Variants in PCSK2 observed in about 807,000 individuals in gnomAD.
PCSK2 encodes neuroendocrine convertase 2.
Under a neutral mutation model 69.7 loss-of-function variants are expected in PCSK2, and 14 were observed. That is an observed-to-expected ratio of 0.20 (90% CI 0.13 to 0.31). The LOEUF is 0.31. Among genes scored for constraint, PCSK2 ranks in the 10% least tolerant of loss-of-function variants. The pLI is 1.00. For synonymous variants in PCSK2, 307 were observed against 320.7 expected (o/e 0.96, Z 0.46); for missense variants, 544 against 842.5 (o/e 0.65, Z 4.39).
At chr20:17,434,575 C>T (rs1034320061) in intron 7 of PCSK2, among the ~76,000 whole-genome samples, 1 of 152,126 alleles carries the variant, frequency 6.6e-6, no homozygotes, top group African/African-American at 2.4e-5. Flanking sequence ...GGTTCTTGCG[C>T]AGCACAGAGG....
intron 7 of PCSK2, among the ~76,000 whole-genome samples, chr20:17,433,680 G>A (rs6136090): frequency 0.092 from 14,078 of 152,228 alleles, 966 homozygotes; most frequent in African/African-American, 0.19. Flanking sequence ...CCTGCCTGGG[G>A]TCAGATAGAA....
At chr20:17,480,485 G>A (rs889313741) in intron 11 of PCSK2, among the ~76,000 whole-genome samples, 3 of 152,090 alleles carry the variant, frequency 2.0e-5, no homozygotes, top group African/African-American at 7.2e-5. Flanking sequence ...CACTGCGCCC[G>A]GCCCAGCTTT....
intron 7 of PCSK2, among the ~76,000 whole-genome samples, chr20:17,436,375 A>T (rs1247094624): frequency 6.6e-6 from 1 of 152,194 alleles, no homozygotes; most frequent in Non-Finnish European, 1.5e-5. Flanking sequence ...GCCAACACCC[A>T]GTTCTCTGAG....
chr20:17,372,981 C>T (rs1456292877), intron 5 of PCSK2, among the ~76,000 whole-genome samples: 1 of 152,084 alleles, frequency 6.6e-6, no homozygotes, highest in Non-Finnish European at 1.5e-5. Flanking sequence ...GTGATAGGCT[C>T]GAAAATTGTT....
chr20:17,227,448 A>T lies in PCSK2; in HGVS notation c.143A>T (p.Gln48Leu). 1.2e-6 allele frequency: 2 copies of T among 1,614,042 alleles called. No homozygotes were observed. The highest frequency in any genetic ancestry group is 1.7e-6 in the Non-Finnish European group (2 of 1,179,986). The change falls in exon 1 of 12, where the codon CAA becomes CTA. Residue 48 changes from glutamine to leucine, a missense_variant. Gln to Leu is a moderately radical substitution (Grantham distance 113). Transcript: ENST00000262545. The stretch of plus-strand genomic sequence containing the variant: ...AAAGGGGGAGAGGACAAAGCTCGCC[A>T]AGTTGCAGCAGAACACGGCTTTGGA... ...LHKGGEDKAR[Q>L]VAAEHGFGVR...
intron 2 of PCSK2, among the ~76,000 whole-genome samples, chr20:17,263,520 T>G (rs532879456): frequency 7.2e-5 from 11 of 152,380 alleles, no homozygotes; most frequent in African/African-American, 2.6e-4. Flanking sequence ...AATGAATGAA[T>G]GATTACTATT....
chr20:17,418,975 T>C (rs933543670), intron 6 of PCSK2, among the ~76,000 whole-genome samples: 3 of 152,198 alleles, frequency 2.0e-5, no homozygotes, highest in Non-Finnish European at 1.5e-5. Context: ...GCAGCGGCTG[T>C]CCAGCACGAG....
At chr20:17,414,017 G>A (rs2123311692) in intron 6 of PCSK2, among the ~76,000 whole-genome samples, 1 of 152,186 alleles carries the variant, frequency 6.6e-6, no homozygotes, top group East Asian at 1.9e-4. Context: ...AGAATCTCTG[G>A]GACACATTTA....
chr20:17,477,257 G>A (rs1307495586), intron 11 of PCSK2, among the ~76,000 whole-genome samples: 1 of 152,194 alleles, frequency 6.6e-6, no homozygotes, highest in East Asian at 1.9e-4. Context: ...GCCATATTGA[G>A]GAAGGATATT....
rs985076422 is a variant in PCSK2, at chr20:17,227,068, C to A, written c.-238C>A. The A allele has an allele frequency of 9.3e-6, 5 of 536,786 alleles. No homozygotes were observed. Among genetic ancestry groups the A allele is most frequent in the Non-Finnish European group, 1.7e-5 (5 of 302,984 alleles). The allele number at this position is 536,786 out of a possible 1,614,324, so 33.3% of individuals were successfully genotyped here. A position where few individuals can be genotyped will look rare whatever the true frequency, so the allele number is the denominator to read the frequency against. On this transcript the variant is annotated 5_prime_UTR_variant, in exon 1 of 12. Coordinates refer to ENST00000262545, the MANE Select transcript of PCSK2 (RefSeq NM_002594.5). ...CTTTCTCTCCGGTACACACAGCTCC[C>A]CACATTCGCACCCCTGCCCGCGCGC... is the stretch of plus-strand genomic sequence containing the variant.
At chr20:17,325,490 C>CT (rs975780406) in intron 2 of PCSK2, among the ~76,000 whole-genome samples, 1 of 152,162 alleles carries the variant, frequency 6.6e-6, no homozygotes. Context: ...CAAAGAAATA[C>CT]TTTTTTAATA....
intron 11 of PCSK2, among the ~76,000 whole-genome samples, chr20:17,472,784 G>A (rs2033224219): frequency 6.6e-6 from 1 of 152,040 alleles, no homozygotes; most frequent in African/African-American, 2.4e-5. Flanking sequence ...CCAGGCTGGT[G>A]TCGAGCTCCT....
intron 9 of PCSK2, among the ~76,000 whole-genome samples, chr20:17,455,894 G>A (rs62202666): frequency 2.0e-5 from 3 of 152,202 alleles, no homozygotes; most frequent in Non-Finnish European, 4.4e-5. Flanking sequence ...GAGGCATATG[G>A]ATGCTAAGTT....
Position 17,483,526 on chromosome 20 carries a change from C to T in PCSK2, c.*1456C>T, listed in dbSNP as rs1407841482. 6.6e-6 allele frequency: 1 copy of T among 152,256 alleles called. No individual in the cohort carries two copies. The highest frequency in any genetic ancestry group is 1.5e-5 in the Non-Finnish European group (1 of 68,070). The allele number at this position is 152,256 out of a possible 1,614,324, so 9.4% of individuals were successfully genotyped here. A position where few individuals can be genotyped will look rare whatever the true frequency, so the allele number is the denominator to read the frequency against. ...TGTCTTCAGCCTCTCCAGGCACCAT[C>T]TCCCTTCCTGTGGGAGCAGAGAGCT... On this transcript the variant is annotated 3_prime_UTR_variant, in exon 12 of 12. Coordinates refer to ENST00000262545, the MANE Select transcript of PCSK2 (RefSeq NM_002594.5).
At position 17,369,240 on chromosome 20, in the gene PCSK2, G is replaced by T; in HGVS notation, c.506G>T (p.Gly169Val). The change falls in exon 5 of 12, where the codon GGG becomes GTG. Residue 169 changes from glycine to valine, a missense_variant and splice_region_variant. By Grantham distance (109) the Gly-to-Val change is moderately radical. This residue lies in a region of PCSK2 where 187 missense variants were observed against 399.8 expected (regional missense o/e 0.47). Transcript: ENST00000262545. ...KGVTIGIMDD[G>V]IDYLHPDLAS... is the part of the protein sequence containing the mutation. ...CTGTGTTATTGTTGTCTTTTCACAG[G>T]GATTGACTATCTCCACCCGGACCTG... 6.2e-7 allele frequency: 1 copy of T among 1,613,622 alleles called. No individual in the cohort carries two copies.
At chr20:17,384,423 AC>A (rs1284415721) in intron 5 of PCSK2, among the ~76,000 whole-genome samples, 2,301 of 91,196 alleles carry the variant, frequency 0.025, 62 homozygotes, top group African/African-American at 0.075. Flanking sequence ...CTCCATATCT[AC>A]CAAAAAAAAA....
At chr20:17,364,515 G>A (rs1311319769) in intron 4 of PCSK2, among the ~76,000 whole-genome samples, 1 of 152,186 alleles carries the variant, frequency 6.6e-6, no homozygotes, top group Non-Finnish European at 1.5e-5. Context: ...GCAGGCAAGA[G>A]AGAGAGTGAG....
chr20:17,384,510 G>A (rs192919549), intron 5 of PCSK2, among the ~76,000 whole-genome samples: 8 of 152,184 alleles, frequency 5.3e-5, no homozygotes, highest in Admixed American at 4.6e-4. Context: ...GCTGAGGCAG[G>A]AGAATTGCTT....
chr20:17,402,585 C>G (rs1429551224), intron 5 of PCSK2, among the ~76,000 whole-genome samples: 1 of 148,190 alleles, frequency 6.7e-6, no homozygotes, highest in African/African-American at 2.5e-5. Context: ...CACTTGAACC[C>G]TAGGGACAGA....
Sources: allele counts gnomAD v4.1 joint callset (sites outside exome capture counted in the v4.1 genomes callset), GRCh38; gene constraint gnomAD v4.1.1; regional missense constraint gnomAD v4.1.1; transcripts MANE v1.5; gene names NCBI Gene and HGNC (gene_info 2026-07-23, HGNC 2026-07-21).